The following KCND2 variants were observed in gnomAD, a reference collection of about 807,000 sequenced individuals.
KCND2 encodes potassium voltage-gated channel subfamily D member 2.
In KCND2, 16 loss-of-function variants were observed where a neutral mutation model predicts 54.4. That is an observed-to-expected ratio of 0.29 (90% CI 0.20 to 0.45). KCND2 has a LOEUF of 0.45. Ranked by LOEUF, KCND2 falls within the 20% of genes least tolerant of loss-of-function variation. KCND2 has a pLI of 1.00. For missense variants in KCND2, 486 were observed against 824.2 expected (o/e 0.59, Z 5.02); for synonymous variants, 317 against 310.7 (o/e 1.02, Z -0.21).
intron 1 of KCND2, among the ~76,000 whole-genome samples, chr7:120,418,927 A>T (rs910383082): frequency 1.3e-5 from 2 of 152,152 alleles, no homozygotes; most frequent in Non-Finnish European, 1.5e-5. Context: ...AATTCAGTGG[A>T]AAAAAATCAT....
intron 1 of KCND2, among the ~76,000 whole-genome samples, chr7:120,637,216 G>A (rs1177574462): frequency 6.6e-6 from 1 of 152,036 alleles, no homozygotes; most frequent in Non-Finnish European, 1.5e-5. Context: ...TGGAATCTAG[G>A]AATATTTTTT....
intron 1 of KCND2, among the ~76,000 whole-genome samples, chr7:120,504,709 C>G (rs991488994): frequency 6.6e-6 from 1 of 151,736 alleles, no homozygotes; most frequent in Non-Finnish European, 1.5e-5. Flanking sequence ...GAGGGTGGCT[C>G]TATAAATTAT....
At chr7:120,573,413 T>G (rs1272628785) in intron 1 of KCND2, among the ~76,000 whole-genome samples, 1 of 152,162 alleles carries the variant, frequency 6.6e-6, no homozygotes, top group East Asian at 1.9e-4. Context: ...GAAACAAATT[T>G]CCAAGTTTAG....
At chr7:120,503,067 G>A (rs1194695538) in intron 1 of KCND2, among the ~76,000 whole-genome samples, 2 of 152,020 alleles carry the variant, frequency 1.3e-5, no homozygotes, top group Non-Finnish European at 2.9e-5. Context: ...TATTGCCTTA[G>A]GGTCTAGACT....
chr7:120,576,692 CTG>C (rs1310845222), intron 1 of KCND2, among the ~76,000 whole-genome samples: 4 of 151,928 alleles, frequency 2.6e-5, no homozygotes, highest in Non-Finnish European at 5.9e-5. Flanking sequence ...TTCCAAGAAA[CTG>C]TATCCTCTAT....
intron 1 of KCND2, among the ~76,000 whole-genome samples, chr7:120,403,103 C>T (rs1801288442): frequency 6.6e-6 from 1 of 152,172 alleles, no homozygotes; most frequent in Non-Finnish European, 1.5e-5. Flanking sequence ...AGCCAAAGCT[C>T]CCAAGCTCCC....
chr7:120,390,088 A>G (rs1801050815), intron 1 of KCND2, among the ~76,000 whole-genome samples: 1 of 151,974 alleles, frequency 6.6e-6, no homozygotes, highest in South Asian at 2.1e-4. Context: ...CCTTGAATTA[A>G]ATACTCTATT....
chr7:120,589,964 C>T (rs948670783), intron 1 of KCND2, among the ~76,000 whole-genome samples: 2 of 152,134 alleles, frequency 1.3e-5, no homozygotes, highest in South Asian at 2.1e-4. Context: ...TCAAGTCTTG[C>T]TTGTATTCCT....
chr7:120,363,475 C>T (rs1387877782), intron 1 of KCND2, among the ~76,000 whole-genome samples: 2 of 152,058 alleles, frequency 1.3e-5, no homozygotes, highest in Non-Finnish European at 2.9e-5. Flanking sequence ...TCCTTGATTC[C>T]AAGCTCTTTC....
At chr7:120,470,611 G>A (rs935262596) in intron 1 of KCND2, among the ~76,000 whole-genome samples, 1 of 151,894 alleles carries the variant, frequency 6.6e-6, no homozygotes, top group African/African-American at 2.4e-5. Context: ...TTTGTTTTCA[G>A]AGAAAATAGT....
intron 1 of KCND2, among the ~76,000 whole-genome samples, chr7:120,656,733 GC>G (rs1017055592): frequency 6.6e-6 from 1 of 152,100 alleles, no homozygotes; most frequent in African/African-American, 2.4e-5. Context: ...TTATCCTGTG[GC>G]TAAGCAGGAA....
intron 1 of KCND2, among the ~76,000 whole-genome samples, chr7:120,421,853 G>T (rs975271965): frequency 1.7e-4 from 26 of 152,090 alleles, no homozygotes; most frequent in African/African-American, 5.3e-4. Context: ...AGCAATGTTG[G>T]CCCACCTGCT....
intron 1 of KCND2, among the ~76,000 whole-genome samples, chr7:120,619,617 T>C (rs1394539249): frequency 1.3e-5 from 2 of 152,236 alleles, no homozygotes; most frequent in Non-Finnish European, 2.9e-5. Flanking sequence ...TCACTGTTCA[T>C]GCAGACACTT....
intron 1 of KCND2, among the ~76,000 whole-genome samples, chr7:120,582,755 GT>G (rs1247284730): frequency 2.6e-5 from 4 of 152,168 alleles, no homozygotes; most frequent in Non-Finnish European, 5.9e-5. Flanking sequence ...CTCTTGGTCA[GT>G]TTTTGTTTTA....
At chr7:120,678,056 A>G (rs1488045694) in intron 1 of KCND2, among the ~76,000 whole-genome samples, 1 of 151,948 alleles carries the variant, frequency 6.6e-6, no homozygotes, top group Admixed American at 6.6e-5. Context: ...GCTTTTATGA[A>G]TTGAGACCAA....
intron 1 of KCND2, among the ~76,000 whole-genome samples, chr7:120,594,233 C>T (rs1037566843): frequency 4.6e-5 from 7 of 152,186 alleles, no homozygotes; most frequent in Non-Finnish European, 8.8e-5. Flanking sequence ...ACAAGTTTCT[C>T]ACAGTAAAGG....
At chr7:120,561,658 C>G (rs1349379795) in intron 1 of KCND2, among the ~76,000 whole-genome samples, 3 of 114,678 alleles carry the variant, frequency 2.6e-5, no homozygotes, top group East Asian at 5.7e-4. Flanking sequence ...GTTGCCCAGG[C>G]TGGAGTGAAA....
At chr7:120,642,323 G>A (rs1477756356) in intron 1 of KCND2, among the ~76,000 whole-genome samples, 1 of 151,382 alleles carries the variant, frequency 6.6e-6, no homozygotes, top group Non-Finnish European at 1.5e-5. Flanking sequence ...GCCAAGGTGG[G>A]TGGATCACCT....
intron 1 of KCND2, among the ~76,000 whole-genome samples, chr7:120,470,250 T>C (rs1802434710): frequency 6.6e-6 from 1 of 152,112 alleles, no homozygotes; most frequent in South Asian, 2.1e-4. Flanking sequence ...ACGCTGTAAC[T>C]AATCAAAGTA....
Sources: allele counts gnomAD v4.1 joint callset (sites outside exome capture counted in the v4.1 genomes callset), GRCh38; gene constraint gnomAD v4.1.1; transcripts MANE v1.5; gene names NCBI Gene and HGNC (gene_info 2026-07-23, HGNC 2026-07-21).